SGCB: variants seen among roughly 807,000 people sequenced by gnomAD.
SGCB encodes beta-sarcoglycan.
A neutral mutation model predicts 27.3 loss-of-function variants in SGCB; 25 were observed. The ratio of observed to expected loss-of-function variants is 0.92; its 90% CI spans 0.67 to 1.28. The LOEUF (loss-of-function observed/expected upper bound fraction) is 1.28. Among genes scored for constraint, SGCB ranks in the 50% most tolerant of loss-of-function variants. The pLI is 0.00. For synonymous variants in SGCB, 147 were observed against 133.5 expected (o/e 1.10, Z -0.70); for missense variants, 436 against 402.1 (o/e 1.08, Z -0.72).
chr4:52,021,739 T>C lies in SGCB; in HGVS notation c.*2218A>G, dbSNP rs1159723851. On this transcript the variant is annotated 3_prime_UTR_variant, in exon 6 of 6. Transcript: ENST00000381431. ...GAGTTTGCCCTGTTCTGCTTTCTAA[T>C]AGATTTTCCAAGCTTATGTTTCAGG... The C allele has an allele frequency of 6.6e-6, 1 of 152,170 alleles. No individual in the cohort carries two copies. Among genetic ancestry groups the C allele is most frequent in the Admixed American group, 6.5e-5 (1 of 15,284 alleles). 9.4% of individuals were successfully genotyped at this position (152,170 alleles called of 1,614,324 possible).
Position 52,034,331 on chromosome 4 carries a change from C to CAAAAAAAAAAAAAA in SGCB, c.34-705_34-692dup, listed in dbSNP as rs541129158. On this transcript the variant is annotated intron_variant, in intron 1 of 5. Coordinates refer to ENST00000381431, the MANE Select transcript of SGCB (RefSeq NM_000232.5). ...TGGGCGACAGAGCGAGACTCCGTCT[C>CAAAAAAAAAAAAAA]AAAAAAAAAAAAAAAAAAAAAAAAA... 1.9e-4 allele frequency among the ~76,000 whole-genome samples: 5 copies of CAAAAAAAAAAAAAA among 26,516 alleles called. 1 individual carries two copies. The highest frequency in any genetic ancestry group is 4.3e-4 in the African/African-American group (3 of 6,992). The allele number at this position is 26,516 out of a possible 152,430, so 17.4% of individuals were successfully genotyped here. A position where few individuals can be genotyped will look rare whatever the true frequency, so the allele number is the denominator to read the frequency against.
rs1737175378 is a variant in SGCB at position 52,028,791 on chromosome 4, T to C, written c.560A>G (p.His187Arg). The change falls in exon 4 of 6, where the codon CAT (histidine) becomes CGT (arginine). Residue 187 changes from histidine (H) to arginine (R), a missense_variant. Coordinates refer to ENST00000381431, the MANE Select transcript of SGCB (RefSeq NM_000232.5). ...NILFSTDYET[H>R]EFHLPSGVKS... ...CACTCCACTTGGCAAATGAAACTCA[T>C]GAGTTTCATAGTCTGTGCTGAATAA... 1 of 1,613,762 alleles carries C rather than the reference T, an allele frequency of 6.2e-7. No homozygotes were observed. The highest frequency in any genetic ancestry group is 1.7e-5 in the Admixed American group (1 of 60,010).
In SGCB at chr4:52,033,505, A is replaced by G. The variant is rs962846702; in HGVS notation, c.169T>C (p.Leu57=). ...IDEDRLHKTG[L]RGRKGNLAIC... ...GCTAAATTGCCCTTTCTTCCTCTCAACCCTGTTTTGTGGAGACGATCTTCA... is the reference window on the plus strand; with the variant it reads ...GCTAAATTGCCCTTTCTTCCTCTCAGCCCTGTTTTGTGGAGACGATCTTCA... Residue 57 remains leucine (L), a synonymous_variant, in exon 2 of 6, where the codon TTG becomes CTG. Transcript: ENST00000381431. 1.2e-6 allele frequency: 2 copies of G among 1,613,974 alleles called. No homozygotes were observed. Among genetic ancestry groups the G allele is most frequent in the Admixed American group, 1.7e-5 (1 of 60,018 alleles).
At chr4:52,036,855 C>T (rs1737406823) in intron 1 of SGCB, among the ~76,000 whole-genome samples, 1 of 152,158 alleles carries the variant, frequency 6.6e-6, no homozygotes, top group Non-Finnish European at 1.5e-5. Flanking sequence ...GGCCTTGGTC[C>T]TAAGTTTCTG....
Position 52,028,875 on chromosome 4 carries a change from T to C in SGCB, c.476A>G (p.Lys159Arg). The C allele has an allele frequency of 6.2e-7, 1 of 1,614,040 alleles. No homozygotes were observed. Among genetic ancestry groups the C allele is most frequent in the Non-Finnish European group, 8.5e-7 (1 of 1,179,958 alleles). ...GTTKLSVENN[K>R]TSITSDIGMQ... ...GCCGATGTCACTTGTAATAGAAGTT[T>C]TGTTGTTTTCTACACTGAGCTTTGT... Residue 159 changes from lysine to arginine, a missense_variant, in exon 4 of 6, where the codon AAA becomes AGA. Coordinates refer to ENST00000381431, the MANE Select transcript of SGCB (RefSeq NM_000232.5).
At chr4:52,027,256 C>T (rs1737123851) in intron 5 of SGCB, among the ~76,000 whole-genome samples, 9 of 151,858 alleles carry the variant, frequency 5.9e-5, no homozygotes, top group Admixed American at 5.9e-4. Flanking sequence ...TATACTTTGA[C>T]CAGAATTGTG....
intron 2 of SGCB, chr4:52,032,080 C>G: frequency 2.5e-6 from 1 of 400,358 alleles, no homozygotes; most frequent in Non-Finnish European, 4.9e-6. Context: ...AGATAGAATC[C>G]TCTCTGGTCC....
intron 5 of SGCB, among the ~76,000 whole-genome samples, chr4:52,024,821 C>T (rs948151372): frequency 1.1e-5 from 1 of 95,228 alleles, no homozygotes; most frequent in African/African-American, 3.8e-5. Flanking sequence ...GAGCGAGACA[C>T]TGTCTCAAAA....
At chr4:52,038,099 G>A in intron 1 of SGCB, 128 bp downstream of exon 1, 1 of 189,004 alleles carries the variant, frequency 5.3e-6, no homozygotes, top group Non-Finnish European at 7.9e-6. Flanking sequence ...CGCCCCGATC[G>A]GCCCCGCCGA....
intron 2 of SGCB, among the ~76,000 whole-genome samples, chr4:52,030,596 T>A (rs1737221989): frequency 6.6e-6 from 1 of 152,246 alleles, no homozygotes; most frequent in African/African-American, 2.4e-5. Flanking sequence ...GCCTCTCAGA[T>A]AATATATTAG....
chr4:52,031,850 A>G (rs913141351), intron 2 of SGCB: 12 of 454,436 alleles, frequency 2.6e-5, no homozygotes, highest in African/African-American at 2.2e-4. Flanking sequence ...GAGGGAAATT[A>G]CATGGCTTTT....
intron 1 of SGCB, among the ~76,000 whole-genome samples, chr4:52,036,302 C>A (rs1943331128): frequency 1.3e-5 from 2 of 152,096 alleles, no homozygotes; most frequent in South Asian, 2.1e-4. Flanking sequence ...GCAACCATCT[C>A]TGGGAGAACT....
rs554246211 is a variant in SGCB at position 52,024,815 on chromosome 4, G to C, written c.754-655C>G. Among the ~76,000 whole-genome samples the C allele has an allele frequency of 5.9e-5, 7 of 118,056 alleles. No homozygotes were observed. In the Admixed American group the frequency reaches 6.2e-4, roughly 10 times the overall value. The allele number at this position is 118,056 out of a possible 152,430, so 77.4% of individuals were successfully genotyped here. A position where few individuals can be genotyped will look rare whatever the true frequency, so the allele number is the denominator to read the frequency against. ...TGCACTCCAGCCTGGGTGACTGAGC[G>C]AGACACTGTCTCAAAAAAAAAAAAA... On this transcript the variant is annotated intron_variant, in intron 5 of 5. Coordinates refer to ENST00000381431, the MANE Select transcript of SGCB (RefSeq NM_000232.5).
intron 2 of SGCB, 101 bp downstream of exon 2, chr4:52,033,330 G>A: frequency 1.3e-6 from 1 of 755,840 alleles, no homozygotes; most frequent in South Asian, 1.5e-5. Context: ...TAAGAGACAA[G>A]ACATGTATAG....
chr4:52,027,314 G>GTTAAAGT (rs1447451830), intron 5 of SGCB, among the ~76,000 whole-genome samples: 4 of 151,888 alleles, frequency 2.6e-5, no homozygotes, highest in African/African-American at 7.2e-5. Context: ...TACCATACCT[G>GTTAAAGT]TTAAAGTTCA....
chr4:52,036,576 C>G (rs1737398728), intron 1 of SGCB, among the ~76,000 whole-genome samples: 1 of 152,156 alleles, frequency 6.6e-6, no homozygotes, highest in Non-Finnish European at 1.5e-5. Flanking sequence ...CAGCAGGTTT[C>G]TCTAAGAGTC....
rs879945095 is a variant in SGCB, at chr4:52,024,076, C to T, written c.838G>A (p.Gly280Ser). Residue 280 changes from glycine to serine, a missense_variant, in exon 6 of 6, where the codon GGT becomes AGT. Physicochemically the swap from Gly to Ser is moderately conservative, Grantham distance 56. Coordinates refer to ENST00000381431, the MANE Select transcript of SGCB (RefSeq NM_000232.5). ...SSSSGDQLGS[G>S]DWVRYKLCMC... Reference sequence around the variant, plus strand: ...CAGAGCTTGTAGCGTACCCAGTCACCACTACCCAACTGGTCTCCACTGGAG... The same window carrying T: ...CAGAGCTTGTAGCGTACCCAGTCACTACTACCCAACTGGTCTCCACTGGAG... The T allele has an allele frequency of 4.6e-5, 74 of 1,613,876 alleles. No homozygotes were observed. The highest frequency in any genetic ancestry group is 6.0e-5 in the Non-Finnish European group (71 of 1,179,984).
At chr4:52,038,084 C>CGCCCCGCCCCGATCG (rs1342013166) in intron 1 of SGCB, 143 bp downstream of exon 1, 1 of 182,050 alleles carries the variant, frequency 5.5e-6, no homozygotes, top group Non-Finnish European at 1.0e-5. Context: ...CCTCCCGCCC[C>CGCCCCGCCCCGATCG]GCCCCGCCCC....
intron 5 of SGCB, 41 bp from the exon 6 acceptor site, chr4:52,024,201 G>C (rs772875726): frequency 2.7e-6 from 4 of 1,494,348 alleles, no homozygotes; most frequent in Non-Finnish European, 3.7e-6. Flanking sequence ...ACCTCCATGA[G>C]GGGGTACAGA....
Sources: allele counts gnomAD v4.1 joint callset (sites outside exome capture counted in the v4.1 genomes callset), GRCh38; gene constraint gnomAD v4.1.1; transcripts MANE v1.5; gene names NCBI Gene and HGNC (gene_info 2026-07-23, HGNC 2026-07-21).